ZNF786: variants seen among roughly 807,000 people sequenced by gnomAD.
The protein encoded by ZNF786 is zinc finger protein 786.
ZNF786 carries 56 observed loss-of-function variants against 63.1 expected under a neutral mutation model. The observed-to-expected ratio is 0.89, with a 90% CI of 0.72 to 1.11. ZNF786 has a LOEUF of 1.11. Among genes scored for constraint, ZNF786 ranks in the 50% least tolerant of loss-of-function variants. The pLI is 0.00. For synonymous variants in ZNF786, 485 were observed against 406.9 expected (o/e 1.19, Z -2.31); for missense variants, 1,213 against 1,041.8 (o/e 1.16, Z -2.26).
chr7:149,074,420 A>G lies in ZNF786; in HGVS notation c.264T>C (p.His88=). 4.3e-6 allele frequency: 7 copies of G among 1,613,908 alleles called. No homozygotes were observed. Among genetic ancestry groups the G allele is most frequent in the Non-Finnish European group, 5.9e-6 (7 of 1,179,844 alleles). The change falls in exon 3 of 4, where the codon CAT becomes CAC. Residue 88 remains histidine, a synonymous_variant. Coordinates refer to ENST00000491431, the MANE Select transcript of ZNF786 (RefSeq NM_152411.4). Reference sequence around the variant, plus strand: ...GCTGTTCCTCAAAACCTGGATCAAAATGCATATCAACAGAGGAGCAAATTA... The same window carrying G: ...GCTGTTCCTCAAAACCTGGATCAAAGTGCATATCAACAGAGGAGCAAATTA... ...GNIICSSVDM[H]FDPGFEEQLF...
intron 2 of ZNF786, among the ~76,000 whole-genome samples, chr7:149,076,971 A>G (rs1054595095): frequency 5.9e-5 from 9 of 152,172 alleles, no homozygotes; most frequent in Admixed American, 2.0e-4. Context: ...CATGTCTTCA[A>G]CTTTACTGTA....
In ZNF786 at chr7:149,071,188, C is replaced by G. The variant is rs761206986; in HGVS notation, c.1584G>C (p.Leu528=). 1 of 1,611,318 alleles carries G rather than the reference C, an allele frequency of 6.2e-7. No individual in the cohort carries two copies. The highest frequency in any genetic ancestry group is 1.1e-5 in the South Asian group (1 of 91,050). The change falls in exon 4 of 4, where the codon CTG becomes CTC. Residue 528 remains leucine, a synonymous_variant. Transcript: ENST00000491431. ...AGGGCCTCTCCCCGCTGTGCACTCT[C>G]AGGTGCTCACGGAGCTTGCACTGGT... ...FTHQCKLREH[L]RVHSGERPFQ...
At chr7:149,085,670 G>A (rs1825724762) in intron 1 of ZNF786, among the ~76,000 whole-genome samples, 1 of 152,144 alleles carries the variant, frequency 6.6e-6, no homozygotes. Context: ...AATGAATCTG[G>A]AAACTGCTTT....
intron 2 of ZNF786, among the ~76,000 whole-genome samples, chr7:149,077,647 A>C (rs1351301500): frequency 6.6e-6 from 1 of 150,830 alleles, no homozygotes. Context: ...TAAATAAATA[A>C]ATAAAAGAAG....
chr7:149,070,450 A>T lies in ZNF786; in HGVS notation c.2322T>A (p.Phe774Leu), dbSNP rs758002440. The stretch of plus-strand genomic sequence containing the variant: ...AACTCCAATCGGCCTCTATCATTGC[A>T]AACAGTTGGCTGAGCCTTTTCTTAA... ...LDIKKRLSQL[F>L]AMIEADWS Residue 774 changes from phenylalanine (F) to leucine (L), a missense_variant, in exon 4 of 4, where the codon TTT (phenylalanine) becomes TTA (leucine). Phe to Leu is a conservative substitution (Grantham distance 22, BLOSUM62 0). Coordinates refer to ENST00000491431, the MANE Select transcript of ZNF786 (RefSeq NM_152411.4). 6.2e-7 allele frequency: 1 copy of T among 1,613,808 alleles called. No individual in the cohort carries two copies. The highest frequency in any genetic ancestry group is 2.2e-5 in the East Asian group (1 of 44,888).
chr7:149,074,053 A>G (rs866481846), intron 3 of ZNF786, among the ~76,000 whole-genome samples: 7 of 151,872 alleles, frequency 4.6e-5, no homozygotes. Context: ...TCGGCCACCC[A>G]AAGTGCTGGG....
At chr7:149,073,024 CGTGA>C (rs1265448314) in intron 3 of ZNF786, among the ~76,000 whole-genome samples, 1 of 152,194 alleles carries the variant, frequency 6.6e-6, no homozygotes, top group Non-Finnish European at 1.5e-5. Flanking sequence ...CACAGTTATA[CGTGA>C]TCCTTGAGCC....
chr7:149,076,370 C>A (rs1825549505), intron 2 of ZNF786, among the ~76,000 whole-genome samples: 1 of 151,022 alleles, frequency 6.6e-6, no homozygotes, highest in Non-Finnish European at 1.5e-5. Flanking sequence ...CTGCCTCGGC[C>A]TCCCAAAGTG....
chr7:149,071,319 CTG>C lies in ZNF786; in HGVS notation c.1451_1452del (p.Pro484ArgfsTer28). The C allele has an allele frequency of 6.2e-7, 1 of 1,612,822 alleles. No individual in the cohort carries two copies. ...LHTDEKPFQC[P>X]ECGLSFRLES... The stretch of plus-strand genomic sequence containing the variant: ...TCCAGGCGGAAGCTCAGCCCACACT[CTG>C]GGCACTGAAAGGGCTTCTCGTCCGT... On this transcript the variant is annotated frameshift_variant, in exon 4 of 4. Coordinates refer to ENST00000491431, the MANE Select transcript of ZNF786 (RefSeq NM_152411.4). LOFTEE classifies it high-confidence loss of function.
chr7:149,070,945 G>T lies in ZNF786; in HGVS notation c.1827C>A (p.Leu609=), dbSNP rs753007851. ...CTCCCGTGTGCAGGCGCTGATGGCT[G>T]AGCAGCTGCCCCTTCAGGCGGAAGC... ...NRSFRLKGQL[L]SHQRLHTGER... is the part of the protein sequence containing the mutation. The change falls in exon 4 of 4, where the codon CTC becomes CTA. Residue 609 remains leucine, a synonymous_variant. Coordinates refer to ENST00000491431, the MANE Select transcript of ZNF786 (RefSeq NM_152411.4). The T allele has an allele frequency of 1.9e-6, 3 of 1,613,018 alleles. No homozygotes were observed. In the African/African-American group the frequency reaches 4.0e-5, roughly 22 times the overall value.
chr7:149,075,869 T>C (rs1315074127), intron 2 of ZNF786, among the ~76,000 whole-genome samples: 3 of 151,634 alleles, frequency 2.0e-5, no homozygotes, highest in Admixed American at 2.0e-4. Flanking sequence ...CCCTAGTTTG[T>C]CCAGGCTGGT....
chr7:149,080,762 A>C, intron 1 of ZNF786, 45 bp from the exon 2 acceptor site: 1 of 1,551,062 alleles, frequency 6.4e-7, no homozygotes, highest in South Asian at 1.2e-5. Context: ...GTTGCTTCAA[A>C]ATGACTCCAG....
At position 149,071,915 on chromosome 7, in the gene ZNF786, T is replaced by A; in HGVS notation, c.857A>T (p.His286Leu). ...CTTCTCCCCCTGCTGCGGGAGGCGGTGGCTGGGATGGGTCAGCTCGTGTCG... is the reference window on the plus strand; with the variant it reads ...CTTCTCCCCCTGCTGCGGGAGGCGGAGGCTGGGATGGGTCAGCTCGTGTCG... The part of the protein sequence containing the change: ...CFRHELTHPS[H>L]RLPQQGEKPA... Residue 286 changes from histidine to leucine, a missense_variant, in exon 4 of 4, where the codon CAC (histidine) becomes CTC (leucine). Physicochemically the swap from His to Leu is moderately conservative, Grantham distance 99. Coordinates refer to ENST00000491431, the MANE Select transcript of ZNF786 (RefSeq NM_152411.4). The A allele has an allele frequency of 6.2e-7, 1 of 1,605,958 alleles. No individual in the cohort carries two copies.
chr7:149,077,423 C>G (rs1200420344), intron 2 of ZNF786, among the ~76,000 whole-genome samples: 3 of 150,948 alleles, frequency 2.0e-5, no homozygotes, highest in Non-Finnish European at 1.5e-5. Context: ...GTCAGCAGAT[C>G]GAGACCATCC....
chr7:149,076,920 A>G (rs1476620167), intron 2 of ZNF786, among the ~76,000 whole-genome samples: 1 of 152,124 alleles, frequency 6.6e-6, no homozygotes, highest in African/African-American at 2.4e-5. Context: ...ACACATAAGC[A>G]TTGACAGTTC....
In ZNF786 at chr7:149,071,889, G is replaced by C. The variant is rs201261172; in HGVS notation, c.883C>G (p.Pro295Ala). 2 of 1,603,348 alleles carry C rather than the reference G, an allele frequency of 1.2e-6. No homozygotes were observed. ...SHRLPQQGEK[P>A]AQCTPCGKRS... ...TTGCCGCATGGGGTGCACTGGGCAG[G>C]CTTCTCCCCCTGCTGCGGGAGGCGG... Residue 295 changes from proline (P) to alanine (A), a missense_variant, in exon 4 of 4, where the codon CCT becomes GCT. Pro to Ala is a conservative substitution (Grantham distance 27). Coordinates refer to ENST00000491431, the MANE Select transcript of ZNF786 (RefSeq NM_152411.4).
rs752217892 is a variant in ZNF786, at chr7:149,072,231, C to T, written c.541G>A (p.Ala181Thr). The part of the protein sequence containing the change: ...LDLPGLWDVP[A>T]WESTQHPWPV... ...CAAGGGTGCTGGGTGCTCTCCCAGG[C>T]GGGGACGTCCCACAAACCAGGAAGA... is the stretch of plus-strand genomic sequence containing the variant. The change falls in exon 4 of 4, where the codon GCC becomes ACC. Residue 181 changes from alanine to threonine, a missense_variant. Coordinates refer to ENST00000491431, the MANE Select transcript of ZNF786 (RefSeq NM_152411.4). 6.2e-6 allele frequency: 10 copies of T among 1,613,526 alleles called. No individual in the cohort carries two copies. In the South Asian group the frequency reaches 8.8e-5, roughly 14 times the overall value.
At chr7:149,085,685 AGT>A (rs1171596645) in intron 1 of ZNF786, among the ~76,000 whole-genome samples, 1,634 of 152,324 alleles carry the variant, frequency 0.011, 28 homozygotes, top group African/African-American at 0.038. Flanking sequence ...TGCTTTGGGC[AGT>A]ATGGCCATTT....
At chr7:149,089,440 C>G (rs1055067617) in intron 1 of ZNF786, among the ~76,000 whole-genome samples, 1 of 152,052 alleles carries the variant, frequency 6.6e-6, no homozygotes, top group Non-Finnish European at 1.5e-5. Context: ...CTCAGCCTCC[C>G]GAGGAGCTGG....
Sources: allele counts gnomAD v4.1 joint callset (sites outside exome capture counted in the v4.1 genomes callset), GRCh38; gene constraint gnomAD v4.1.1; transcripts MANE v1.5; gene names NCBI Gene and HGNC (gene_info 2026-07-23, HGNC 2026-07-21).